The following ARID4B variants were observed in gnomAD, a reference collection of about 807,000 sequenced individuals.
ARID4B encodes AT-rich interaction domain 4B.
In ARID4B, 26 loss-of-function variants were observed where a neutral mutation model predicts 147.5. The observed-to-expected ratio is 0.18, with a 90% CI of 0.13 to 0.24. The LOEUF (loss-of-function observed/expected upper bound fraction) is 0.24. ARID4B is among the 10% of genes least tolerant of loss of function. The pLI is 1.00. For synonymous variants in ARID4B, 512 were observed against 507.9 expected (o/e 1.01, Z -0.11); for missense variants, 1,179 against 1,511.5 (o/e 0.78, Z 3.65).
intron 2 of ARID4B, 162 bp downstream of exon 2, chr1:235,326,752 C>A (rs758376024): frequency 4.7e-5 from 39 of 823,594 alleles, no homozygotes; most frequent in Non-Finnish European, 7.8e-5. Context: ...ACAGCAAAGC[C>A]CGCCAGCTGA....
intron 19 of ARID4B, among the ~76,000 whole-genome samples, chr1:235,190,705 A>G (rs1665036711): frequency 6.6e-6 from 1 of 152,264 alleles, no homozygotes; most frequent in African/African-American, 2.4e-5. Context: ...TAAAAATTCC[A>G]TCTCATGCAC....
At chr1:235,300,832 C>T (rs1416717660) in intron 2 of ARID4B, among the ~76,000 whole-genome samples, 2 of 151,970 alleles carry the variant, frequency 1.3e-5, no homozygotes, top group Non-Finnish European at 2.9e-5. Flanking sequence ...GCCTCAGCCT[C>T]CCGAGTAGCT....
chr1:235,169,533 G>A (rs776851123), intron 23 of ARID4B, among the ~76,000 whole-genome samples: 10 of 146,634 alleles, frequency 6.8e-5, no homozygotes, highest in East Asian at 2.1e-4. Context: ...GAGCCACCGC[G>A]CCCAGCCTGT....
intron 18 of ARID4B, among the ~76,000 whole-genome samples, chr1:235,195,249 T>C (rs1464390289): frequency 6.6e-6 from 1 of 152,150 alleles, no homozygotes. Flanking sequence ...GTAACATTAA[T>C]TTTCCATATG....
chr1:235,251,361 G>T (rs938459048), intron 6 of ARID4B, among the ~76,000 whole-genome samples: 2 of 152,040 alleles, frequency 1.3e-5, no homozygotes, highest in Admixed American at 1.3e-4. Flanking sequence ...AAGAGGAAAG[G>T]AGTCAATAAA....
At chr1:235,190,668 T>C (rs1324277480) in intron 19 of ARID4B, among the ~76,000 whole-genome samples, 5 of 152,094 alleles carry the variant, frequency 3.3e-5, no homozygotes, top group Admixed American at 3.3e-4. Context: ...CAAAAATAAA[T>C]ACAGATATTT....
chr1:235,258,289 G>A (rs764864577), intron 3 of ARID4B, among the ~76,000 whole-genome samples: 25 of 152,110 alleles, frequency 1.6e-4, no homozygotes, highest in East Asian at 1.2e-3. Flanking sequence ...CCGAGATTGC[G>A]TCACTGCACT....
At chr1:235,193,093 CAA>C (rs1055909221) in intron 19 of ARID4B, among the ~76,000 whole-genome samples, 15 of 110,700 alleles carry the variant, frequency 1.4e-4, no homozygotes, top group Non-Finnish European at 1.7e-4. Flanking sequence ...GACTCCGTCT[CAA>C]AAAAAAAAAA....
chr1:235,173,133 C>A (rs1663487521), intron 22 of ARID4B, among the ~76,000 whole-genome samples: 2 of 151,792 alleles, frequency 1.3e-5, no homozygotes, highest in African/African-American at 4.8e-5. Flanking sequence ...ATCACGAGGT[C>A]AGGAGTTCGA....
intron 6 of ARID4B, among the ~76,000 whole-genome samples, chr1:235,247,409 A>G (rs1314298650): frequency 6.6e-6 from 1 of 152,230 alleles, no homozygotes; most frequent in African/African-American, 2.4e-5. Context: ...TATAACTACA[A>G]TGAACAAAAC....
intron 8 of ARID4B, among the ~76,000 whole-genome samples, chr1:235,235,906 T>C (rs1298790487): frequency 6.6e-6 from 1 of 152,056 alleles, no homozygotes; most frequent in Non-Finnish European, 1.5e-5. Flanking sequence ...TAGTTATTTA[T>C]AGTTCCTGGG....
intron 2 of ARID4B, among the ~76,000 whole-genome samples, chr1:235,309,436 C>T (rs1465734184): frequency 6.7e-6 from 1 of 149,812 alleles, no homozygotes; most frequent in Non-Finnish European, 1.5e-5. Context: ...GGGGTCAGCC[C>T]CCCGCCCGGC....
At chr1:235,302,710 A>G (rs531196765) in intron 2 of ARID4B, among the ~76,000 whole-genome samples, 1 of 152,294 alleles carries the variant, frequency 6.6e-6, no homozygotes, top group Non-Finnish European at 1.5e-5. Context: ...GTCATTACTA[A>G]TAACTGCTGT....
In ARID4B at chr1:235,224,727, A is replaced by C. The variant is rs771228066; in HGVS notation, c.946T>G (p.Leu316Val). Residue 316 changes from leucine to valine, a missense_variant, in exon 12 of 24, where the codon TTG (leucine) becomes GTG (valine). By Grantham distance (32) the Leu-to-Val change is conservative (BLOSUM62 1). Around this residue, in one of 10 missense-constraint regions of ARID4B, gnomAD observed 159 missense variants for 190.5 expected, o/e 0.83. Transcript: ENST00000264183. ...PEERENFLQQ[L>V]YKFMEDRGTP... ...CCTCTATCTTCCATAAATTTGTACA[A>C]TTGCTGAAGAAAGTTCTCCCTTTCT... 5.0e-6 allele frequency: 8 copies of C among 1,598,828 alleles called. No individual in the cohort carries two copies. In the South Asian group the frequency reaches 9.0e-5, roughly 18 times the overall value.
intron 9 of ARID4B, among the ~76,000 whole-genome samples, chr1:235,232,053 C>T (rs1442212170): frequency 6.6e-6 from 1 of 151,976 alleles, no homozygotes; most frequent in Non-Finnish European, 1.5e-5. Context: ...AAACCCAGGG[C>T]AGGGTTACAG....
At chr1:235,208,111 G>A (rs191364955) in intron 17 of ARID4B, among the ~76,000 whole-genome samples, 68 of 152,262 alleles carry the variant, frequency 4.5e-4, no homozygotes, top group African/African-American at 1.5e-3. Flanking sequence ...GGAAATGAGC[G>A]AGAAAATTCA....
chr1:235,213,806 C>G lies in ARID4B; in HGVS notation c.1804G>C (p.Val602Leu). Residue 602 changes from valine (V) to leucine (L), a missense_variant, in exon 17 of 24, where the codon GTC becomes CTC. Val to Leu is a conservative substitution (Grantham distance 32, BLOSUM62 1). This residue lies in a region of ARID4B where 28 missense variants were observed against 67.6 expected (regional missense o/e 0.41). Transcript: ENST00000264183. The part of the protein sequence containing the change: ...IKDSDVEGGE[V>L]LYLVHYCGWN... The stretch of plus-strand genomic sequence containing the variant: ...CCGCAGTAATGCACCAAGTAAAGGA[C>G]CTCTCCACCTTCGACATCAGAATCT... 1 of 1,613,954 alleles carries G rather than the reference C, an allele frequency of 6.2e-7. No homozygotes were observed. The highest frequency in any genetic ancestry group is 8.5e-7 in the Non-Finnish European group (1 of 1,179,930).
intron 8 of ARID4B, among the ~76,000 whole-genome samples, chr1:235,236,843 T>C (rs1339845754): frequency 5.7e-5 from 2 of 35,226 alleles, no homozygotes; most frequent in African/African-American, 1.7e-4. Flanking sequence ...AATATATATA[T>C]ATATATATAT....
intron 17 of ARID4B, among the ~76,000 whole-genome samples, chr1:235,198,678 A>G (rs943441581): frequency 3.3e-5 from 5 of 152,228 alleles, no homozygotes; most frequent in Non-Finnish European, 1.5e-5. Flanking sequence ...TTGAGTTTAG[A>G]TGTCAAAAGT....
Sources: allele counts gnomAD v4.1 joint callset (sites outside exome capture counted in the v4.1 genomes callset), GRCh38; gene constraint gnomAD v4.1.1; regional missense constraint gnomAD v4.1.1; transcripts MANE v1.5; gene names NCBI Gene and HGNC (gene_info 2026-07-23, HGNC 2026-07-21).